The following FRMPD4 variants were observed in gnomAD, a reference collection of about 807,000 sequenced individuals.
The protein encoded by FRMPD4 is FERM and PDZ domain containing 4.
In FRMPD4, 22 loss-of-function variants were observed where a neutral mutation model predicts 94.1. The ratio of observed to expected loss-of-function variants is 0.23; its 90% CI spans 0.17 to 0.33. FRMPD4 has a LOEUF of 0.33. Among genes scored for constraint, FRMPD4 ranks in the 10% least tolerant of loss-of-function variants. The pLI, the probability that FRMPD4 is intolerant of heterozygous loss-of-function variation, is 1.00. For synonymous variants in FRMPD4, 631 were observed against 548.6 expected (o/e 1.15, Z -2.10); for missense variants, 1,111 against 1,339.9 (o/e 0.83, Z 2.67).
In FRMPD4 at chrX:11,991,703, T is replaced by C. The variant is rs189838012; in HGVS notation, c.95+113685T>C. ...TGAGCAGTAGGATAACTGATTTTCTTTAAATTTAAGTCATTTGCCTTTTAG... is the reference window on the plus strand; with the variant it reads ...TGAGCAGTAGGATAACTGATTTTCTCTAAATTTAAGTCATTTGCCTTTTAG... On this transcript the variant is annotated intron_variant, in intron 3 of 18. Transcript: ENST00000640291. Among the ~76,000 whole-genome samples, 297 of 112,117 alleles carry C rather than the reference T, an allele frequency of 2.6e-3. 2 individuals carry two copies. Among genetic ancestry groups the C allele is most frequent in the Non-Finnish European group, 4.7e-3 (248 of 53,037 alleles).
chrX:12,453,699 C>A (rs764705913), intron 1 of FRMPD4, among the ~76,000 whole-genome samples: 2 of 111,205 alleles, frequency 1.8e-5, no homozygotes, highest in African/African-American at 3.3e-5. Context: ...GTATTAAGCC[C>A]TTTTATGTGA....
rs926331018 is a variant in FRMPD4, at chrX:12,487,065, A to G, written c.42-11615A>G. 5.3e-5 allele frequency among the ~76,000 whole-genome samples: 6 copies of G among 112,612 alleles called. No homozygotes were observed. In the South Asian group the frequency reaches 2.2e-3, roughly 42 times the overall value. ...AAATGTGAGACCAGAATGGGAAACTATGAAAGTTATAAAAGAATGTGGGCC... is the reference window on the plus strand; with the variant it reads ...AAATGTGAGACCAGAATGGGAAACTGTGAAAGTTATAAAAGAATGTGGGCC... On this transcript the variant is annotated intron_variant, in intron 1 of 16. Transcript: ENST00000675598.
At chrX:12,631,497 A>T in intron 4 of FRMPD4, among the ~76,000 whole-genome samples, 1 of 111,287 alleles carries the variant, frequency 9.0e-6, no homozygotes, top group South Asian at 3.8e-4. Flanking sequence ...TACACCCATC[A>T]ACCCATCACC....
chrX:11,914,966 C>A (rs1255623151), intron 3 of FRMPD4, among the ~76,000 whole-genome samples: 7 of 111,702 alleles, frequency 6.3e-5, no homozygotes, highest in Non-Finnish European at 1.3e-4. Flanking sequence ...CAGATATCTG[C>A]CAAAGTTTGC....
chrX:11,833,976 A>T (rs2053488686), intron 1 of FRMPD4, among the ~76,000 whole-genome samples: 1 of 111,804 alleles, frequency 8.9e-6, no homozygotes, highest in African/African-American at 3.3e-5. Flanking sequence ...TGGAACAAAG[A>T]TCCCTCTGAA....
chrX:11,915,440 A>G lies in FRMPD4; in HGVS notation c.95+37422A>G, dbSNP rs759891567. Among the ~76,000 whole-genome samples the G allele has an allele frequency of 3.6e-5, 4 of 112,507 alleles. No homozygotes were observed. In the East Asian group the frequency reaches 1.1e-3, roughly 31 times the overall value. On this transcript the variant is annotated intron_variant, in intron 3 of 18. Transcript: ENST00000640291. ...GTTAGAGAAGGAAATATGCTTGAATATTTCAGTCTAACAAACATCTAAACT... is the reference window on the plus strand; with the variant it reads ...GTTAGAGAAGGAAATATGCTTGAATGTTTCAGTCTAACAAACATCTAAACT...
intron 3 of FRMPD4, among the ~76,000 whole-genome samples, chrX:11,914,081 C>T (rs1188409273): frequency 8.9e-6 from 1 of 111,854 alleles, no homozygotes; most frequent in Non-Finnish European, 1.9e-5. Context: ...CTAAAACTCC[C>T]TCTGTATTCC....
rs142969293 is a variant in FRMPD4 at position 11,981,959 on chromosome X, G to C, written c.95+103941G>C. On this transcript the variant is annotated intron_variant, in intron 3 of 18. Transcript: ENST00000640291. The stretch of plus-strand genomic sequence containing the variant: ...TATATCACTGTATAGCATTTTAGGT[G>C]TATCTTTGTAACTCTACAAATTAGA... Among the ~76,000 whole-genome samples, 725 of 111,489 alleles carry C rather than the reference G, an allele frequency of 6.5e-3. 4 individuals carry two copies. The highest frequency in any genetic ancestry group is 0.023 in the African/African-American group (701 of 30,775).
At chrX:12,088,108 T>C (rs1004257435) in intron 3 of FRMPD4, among the ~76,000 whole-genome samples, 2 of 112,276 alleles carry the variant, frequency 1.8e-5, no homozygotes, top group Non-Finnish European at 3.8e-5. Context: ...TCTTGTCTTA[T>C]TGTGTTTAGG....
chrX:11,822,529 A>T (rs979894994), exon 1 of FRMPD4, among the ~76,000 whole-genome samples: 1 of 112,046 alleles, frequency 8.9e-6, no homozygotes, highest in Admixed American at 9.4e-5. Context: ...AGTGTGCAAG[A>T]TGGGGAAAGG....
At chrX:12,374,802 T>C (rs2056212760) in intron 1 of FRMPD4, 2 of 111,467 alleles carry the variant, frequency 1.8e-5, no homozygotes, top group African/African-American at 6.5e-5. Context: ...GTAGTCAACA[T>C]CACCTGTGCC....
chrX:12,383,836 A>T (rs1425934449), intron 1 of FRMPD4, among the ~76,000 whole-genome samples: 1 of 111,791 alleles, frequency 8.9e-6, no homozygotes, highest in African/African-American at 3.3e-5. Context: ...GCAGCCACAC[A>T]TTCTTGTCTT....
chrX:12,389,817 TG>T (rs1419701310), intron 1 of FRMPD4, among the ~76,000 whole-genome samples: 7 of 111,903 alleles, frequency 6.3e-5, no homozygotes, highest in African/African-American at 1.9e-4. Context: ...CTATCCCGTA[TG>T]TTTCCTCATT....
chrX:11,925,250 G>C (rs1321580050), intron 3 of FRMPD4, among the ~76,000 whole-genome samples: 1 of 111,000 alleles, frequency 9.0e-6, no homozygotes, highest in African/African-American at 3.3e-5. Context: ...GGAGTGCCCA[G>C]ATTCATAAAG....
At chrX:12,558,652 AT>A (rs60404633) in intron 2 of FRMPD4, among the ~76,000 whole-genome samples, 30,026 of 109,212 alleles carry the variant, frequency 0.27, 3,099 homozygotes, top group Admixed American at 0.37. Flanking sequence ...GAATGCATGG[AT>A]TTTTTTTTTC....
chrX:12,200,746 A>G (rs946854938), intron 1 of FRMPD4, among the ~76,000 whole-genome samples: 2 of 112,579 alleles, frequency 1.8e-5, no homozygotes, highest in Non-Finnish European at 3.8e-5. Flanking sequence ...TAGACTCATG[A>G]TTCATACAAC....
intron 2 of FRMPD4, among the ~76,000 whole-genome samples, chrX:12,499,346 GA>G (rs1387056059): frequency 8.9e-6 from 1 of 112,260 alleles, no homozygotes; most frequent in Non-Finnish European, 1.9e-5. Context: ...GGTATAGAGA[GA>G]GAGAGAAAAA....
chrX:12,690,084 A>G, intron 7 of FRMPD4, 111 bp from the exon 8 acceptor site: 1 of 521,650 alleles, frequency 1.9e-6, no homozygotes. Context: ...AACCAAACGT[A>G]TAAAATTTCA....
intron 2 of FRMPD4, chrX:12,583,406 C>T: frequency 8.0e-6 from 9 of 1,127,395 alleles, no homozygotes; most frequent in Non-Finnish European, 1.1e-5. Flanking sequence ...CAGTACTGGG[C>T]ACACTCACCG....
Sources: gnomAD v4.1 joint callset for allele counts (sites outside exome capture counted in the v4.1 genomes callset) on GRCh38, gnomAD v4.1.1 for gene constraint, MANE v1.5 for transcripts, NCBI Gene and HGNC (gene_info 2026-07-23, HGNC 2026-07-21) for gene names.